The following ABCG1 variants were observed in gnomAD, a reference collection of about 807,000 sequenced individuals.
ABCG1 encodes ATP binding cassette subfamily G member 1.
ABCG1 carries 29 observed loss-of-function variants against 69.2 expected under a neutral mutation model. The ratio of observed to expected loss-of-function variants is 0.42; its 90% confidence interval spans 0.31 to 0.57. The LOEUF is 0.57. Among genes scored for constraint, ABCG1 ranks in the 20% least tolerant of loss-of-function variants. ABCG1 has a pLI of 0.15. For synonymous variants in ABCG1, 370 were observed against 374.8 expected (o/e 0.99, Z 0.15); for missense variants, 718 against 898.1 (o/e 0.80, Z 2.56).
chr21:42,292,684 G>A (rs1293062827), intron 13 of ABCG1, among the ~76,000 whole-genome samples: 6 of 65,894 alleles, frequency 9.1e-5, no homozygotes, highest in East Asian at 4.7e-4. Flanking sequence ...CACCACACAC[G>A]GTGCACACCA....
rs139214903 is a variant in ABCG1, at chr21:42,250,265, G to A, written c.287-20805G>A. 5.9e-3 allele frequency among the ~76,000 whole-genome samples: 903 copies of A among 152,236 alleles called. 5 individuals are homozygous for A. Among genetic ancestry groups the A allele is most frequent in the African/African-American group, 0.02 (847 of 41,524 alleles). On this transcript the variant is annotated intron_variant, in intron 2 of 14. Coordinates refer to ENST00000398449, the MANE Select transcript of ABCG1 (RefSeq NM_016818.3). ...CATCCCATTGAAGCCATGTTCCCAG[G>A]GGACAAGCAGAGTGGACCCAGCTCT...
At chr21:42,292,179 G>A (rs757288404) in intron 13 of ABCG1, among the ~76,000 whole-genome samples, 3 of 152,004 alleles carry the variant, frequency 2.0e-5, no homozygotes, top group Admixed American at 6.5e-5. Flanking sequence ...TAGGACGCTC[G>A]GCCTCAGCCT....
At chr21:42,250,463 G>C (rs1301968815) in intron 2 of ABCG1, among the ~76,000 whole-genome samples, 2 of 152,164 alleles carry the variant, frequency 1.3e-5, no homozygotes, top group Non-Finnish European at 2.9e-5. Flanking sequence ...CCAGAGATAG[G>C]CAGCCGCATG....
intron 2 of ABCG1, among the ~76,000 whole-genome samples, chr21:42,262,290 A>T (rs1281576482): frequency 6.6e-6 from 1 of 152,158 alleles, no homozygotes; most frequent in Non-Finnish European, 1.5e-5. Flanking sequence ...TCCTGGCAAG[A>T]ATTCTTCTTT....
intron 2 of ABCG1, among the ~76,000 whole-genome samples, chr21:42,264,602 T>C (rs187462496): frequency 2.6e-5 from 4 of 152,008 alleles, no homozygotes; most frequent in Admixed American, 2.0e-4. Context: ...TGTTTAGAGA[T>C]GGAAAGGTGA....
intron 2 of ABCG1, chr21:42,259,471 T>C (rs998521956): frequency 1.3e-6 from 2 of 1,548,682 alleles, no homozygotes; most frequent in African/African-American, 1.4e-5. Context: ...GGCTCAAGCA[T>C]TGTCATCATG....
Position 42,291,408 on chromosome 21 carries a change from C to T in ABCG1, c.1495-90C>T, listed in dbSNP as rs926214562. ...ACTTTGGGAGCTCTGGCGGGAGCTG[C>T]GGGGAAGGGCTGGCTGCCCAGGAGC... On this transcript the variant is annotated intron_variant, in intron 12 of 14. Transcript: ENST00000398449. The surrounding 1 kb of genome is among the most constrained non-coding windows in gnomAD (Gnocchi z 6.4). The T allele has an allele frequency of 8.5e-6, 13 of 1,522,654 alleles. No homozygotes were observed. In the East Asian group the frequency reaches 1.4e-4, roughly 16 times the overall value. The allele number at this position is 1,522,654 out of a possible 1,614,324, so 94.3% of individuals were successfully genotyped here. A position where few individuals can be genotyped will look rare whatever the true frequency, so the allele number is the denominator to read the frequency against.
At chr21:42,280,620 C>T (rs1020028294) in intron 5 of ABCG1, among the ~76,000 whole-genome samples, 1 of 152,240 alleles carries the variant, frequency 6.6e-6, no homozygotes, top group Non-Finnish European at 1.5e-5. Flanking sequence ...CACTCCTGAG[C>T]GGACACTGGA....
upstream of ABCG1, among the ~76,000 whole-genome samples, chr21:42,211,687 C>T (rs542342132): frequency 1.3e-5 from 2 of 151,766 alleles, 1 homozygote; most frequent in African/African-American, 4.8e-5. Context: ...CAAGACCAGC[C>T]TGGCCAACAT....
At chr21:42,246,336 C>CT (rs1161400319) in intron 2 of ABCG1, among the ~76,000 whole-genome samples, 2 of 152,196 alleles carry the variant, frequency 1.3e-5, no homozygotes, top group East Asian at 3.8e-4. Context: ...TTTGTCACCT[C>CT]TTTAAGATAC....
Position 42,219,222 on chromosome 21 carries a change from C to CCGCCG in ABCG1, c.-40_-39insGCCGC. The CCGCCG allele has an allele frequency of 3.4e-6, 5 of 1,474,026 alleles. No homozygotes were observed. The highest frequency in any genetic ancestry group is 1.8e-4 in the Middle Eastern group (1 of 5,548). 91.3% of individuals were successfully genotyped at this position (1,474,026 alleles called of 1,614,324 possible). ...TCGGCCCCGCAGCTCAAGCCTCGTCCCCGCCGCCGCCGCCGCCGCCGCCGC... is the reference window on the plus strand; with the variant it reads ...TCGGCCCCGCAGCTCAAGCCTCGTCCCGCCGCCGCCGCCGCCGCCGCCGCCGCCGC... On this transcript the variant is annotated 5_prime_UTR_variant, in exon 1 of 15. Transcript: ENST00000398449. This position sits in a 1 kb window ranked among gnomAD's most constrained non-coding sequence, Gnocchi z 5.3.
At chr21:42,237,243 A>G (rs140506914) in intron 2 of ABCG1, among the ~76,000 whole-genome samples, 32 of 152,356 alleles carry the variant, frequency 2.1e-4, no homozygotes, top group African/African-American at 7.5e-4. Context: ...TATGAATTTC[A>G]AAGAGCTTAG....
chr21:42,215,361 G>A (rs908111759), upstream of ABCG1, among the ~76,000 whole-genome samples: 5 of 152,228 alleles, frequency 3.3e-5, no homozygotes, highest in Non-Finnish European at 7.3e-5. Flanking sequence ...TTCAGCCTCA[G>A]CAGCTGGAAG....
chr21:42,252,856 C>A (rs915644747), intron 2 of ABCG1, among the ~76,000 whole-genome samples: 4 of 152,130 alleles, frequency 2.6e-5, no homozygotes, highest in Non-Finnish European at 5.9e-5. Flanking sequence ...GAGGGAAGCC[C>A]TCCTCCCTGA....
chr21:42,281,468 A>G (rs2068806904), intron 5 of ABCG1, among the ~76,000 whole-genome samples: 1 of 152,246 alleles, frequency 6.6e-6, no homozygotes, highest in South Asian at 2.1e-4. Context: ...TACAGGATCA[A>G]TAATCCGGAG....
rs930134343 is a variant in ABCG1 at position 42,249,352 on chromosome 21, G to A, written c.287-21718G>A. Among the ~76,000 whole-genome samples the A allele has an allele frequency of 3.9e-5, 6 of 152,252 alleles. No homozygotes were observed. In the East Asian group the frequency reaches 7.7e-4, roughly 20 times the overall value. On this transcript the variant is annotated intron_variant, in intron 2 of 14. Transcript: ENST00000398449. ...CACAAGCAAGTGATCTGCACAGAAA[G>A]TAAGTGTCATATTGTGTGTGGACTC...
In ABCG1 at chr21:42,270,772, C is replaced by T. The variant is rs146112967; in HGVS notation, c.287-298C>T. Among the ~76,000 whole-genome samples, 15 of 152,064 alleles carry T rather than the reference C, an allele frequency of 9.9e-5. No individual in the cohort carries two copies. In the East Asian group the frequency reaches 1.9e-3, roughly 20 times the overall value. ...CGGACATCGCTTCCTCACTCTGAGA[C>T]GGGAATGGTGGATTCCCCATAGACT... On this transcript the variant is annotated intron_variant, in intron 2 of 14. Transcript: ENST00000398449.
At chr21:42,201,622 C>T in exon 2 of ABCG1, 7 of 1,574,418 alleles carry the variant, frequency 4.4e-6, no homozygotes, top group Non-Finnish European at 6.0e-6. Context: ...AAGATTCAGC[C>T]CCGTGCTCAG....
chr21:42,242,262 G>C (rs939665663), intron 2 of ABCG1, among the ~76,000 whole-genome samples: 1 of 152,218 alleles, frequency 6.6e-6, no homozygotes, highest in Non-Finnish European at 1.5e-5. Context: ...CCAGTGCTTT[G>C]GGAGGCCAAG....
Sources: gnomAD v4.1 joint callset for allele counts (sites outside exome capture counted in the v4.1 genomes callset) on GRCh38, gnomAD v4.1.1 for gene constraint, Gnocchi (gnomAD v3.1) non-coding constraint, MANE v1.5 for transcripts, NCBI Gene and HGNC (gene_info 2026-07-23, HGNC 2026-07-21) for gene names.